Variants in ADGRG7 observed in about 807,000 individuals in gnomAD.
ADGRG7 encodes the protein G-protein coupled receptor 128.
A neutral mutation model predicts 88.6 loss-of-function variants in ADGRG7; 82 were observed. That is an observed-to-expected ratio of 0.93 (90% CI 0.77 to 1.11). The LOEUF is 1.11. ADGRG7 is among the 50% of genes most tolerant of loss of function. The pLI is 0.00. For missense variants in ADGRG7, 945 were observed against 953.4 expected, an observed-to-expected ratio of 0.99 and a Z score of 0.12; for synonymous variants, 381 against 345.2, an observed-to-expected ratio of 1.10 and a Z score of -1.15.
intron 11 of ADGRG7, among the ~76,000 whole-genome samples, chr3:100,652,644 T>C (rs1036250771): frequency 1.3e-5 from 2 of 152,188 alleles, no homozygotes; most frequent in Non-Finnish European, 2.9e-5. Flanking sequence ...ATTTTACTTC[T>C]GAAATCAACT....
intron 14 of ADGRG7, among the ~76,000 whole-genome samples, chr3:100,661,133 A>G (rs2094944813): frequency 6.6e-6 from 1 of 152,146 alleles, no homozygotes; most frequent in Non-Finnish European, 1.5e-5. Context: ...TCCCTGATAT[A>G]CAACAAGAGC....
At chr3:100,648,384 T>A (rs558414306) in intron 10 of ADGRG7, among the ~76,000 whole-genome samples, 1 of 152,200 alleles carries the variant, frequency 6.6e-6, no homozygotes, top group African/African-American at 2.4e-5. Flanking sequence ...AATCTTACGA[T>A]CCTTTTTGCA....
At chr3:100,617,508 T>C (rs1707242557) in intron 1 of ADGRG7, among the ~76,000 whole-genome samples, 1 of 152,072 alleles carries the variant, frequency 6.6e-6, no homozygotes, top group African/African-American at 2.4e-5. Context: ...CTGAGTATGA[T>C]GGTTTCCAGC....
At chr3:100,684,375 C>G (rs1206944573) in intron 15 of ADGRG7, among the ~76,000 whole-genome samples, 1 of 151,822 alleles carries the variant, frequency 6.6e-6, no homozygotes, top group Non-Finnish European at 1.5e-5. Flanking sequence ...TTGATCCCCC[C>G]ACCTCAACCT....
chr3:100,636,929 T>A (rs1707552920), intron 5 of ADGRG7, among the ~76,000 whole-genome samples: 1 of 152,204 alleles, frequency 6.6e-6, no homozygotes, highest in Non-Finnish European at 1.5e-5. Context: ...ATGCTAAGTA[T>A]TATGAGCTGT....
intron 14 of ADGRG7, among the ~76,000 whole-genome samples, chr3:100,664,057 T>C (rs187188275): frequency 6.6e-6 from 1 of 152,108 alleles, no homozygotes; most frequent in Non-Finnish European, 1.5e-5. Flanking sequence ...TCGACTGCCA[T>C]GTATTCACCA....
chr3:100,649,776 G>A lies in ADGRG7; in HGVS notation c.1348G>A (p.Ala450Thr), dbSNP rs1289887177. The part of the protein sequence containing the change: ...VGCALSVTGL[A>T]LTVIFQIVTR... The stretch of plus-strand genomic sequence containing the variant: ...ATGTGCACTGTCTGTTACTGGTCTG[G>A]CTCTCACAGTTATATTTCAGATTGT... The change falls in exon 11 of 16, where the codon GCT (alanine) becomes ACT (threonine). Residue 450 changes from alanine to threonine, a missense_variant. Physicochemically the swap from Ala to Thr is moderately conservative, Grantham distance 58 (BLOSUM62 0). Coordinates refer to ENST00000273352, the MANE Select transcript of ADGRG7 (RefSeq NM_032787.3). 3 of 1,607,128 alleles carry A rather than the reference G, an allele frequency of 1.9e-6. No individual in the cohort carries two copies. The Admixed American group carries it at 5.0e-5, about 27-fold the overall frequency.
intron 4 of ADGRG7, 37 bp downstream of exon 4, chr3:100,633,414 A>G (rs1307150875): frequency 1.7e-6 from 2 of 1,193,734 alleles, no homozygotes; most frequent in Admixed American, 2.2e-5. Flanking sequence ...AACTGGAAGA[A>G]GTTCTGATTC....
chr3:100,625,687 T>C (rs1707371270), intron 1 of ADGRG7, among the ~76,000 whole-genome samples: 1 of 152,192 alleles, frequency 6.6e-6, no homozygotes, highest in Non-Finnish European at 1.5e-5. Flanking sequence ...CTCTTATTAT[T>C]TTGAGATATG....
chr3:100,624,401 T>C (rs1219688416), intron 1 of ADGRG7, among the ~76,000 whole-genome samples: 1 of 152,210 alleles, frequency 6.6e-6, no homozygotes, highest in Non-Finnish European at 1.5e-5. Context: ...TGTTTTTTTC[T>C]TGTAAATTTA....
At chr3:100,681,593 G>T (rs1306845694) in intron 15 of ADGRG7, among the ~76,000 whole-genome samples, 1 of 152,092 alleles carries the variant, frequency 6.6e-6, no homozygotes, top group East Asian at 1.9e-4. Context: ...TTACAGTTGT[G>T]AGCCACCACA....
intron 6 of ADGRG7, among the ~76,000 whole-genome samples, chr3:100,639,815 T>C (rs902941455): frequency 6.6e-6 from 1 of 152,138 alleles, no homozygotes; most frequent in Non-Finnish European, 1.5e-5. Flanking sequence ...ACTTAATATA[T>C]AAAGGAAAAT....
intron 11 of ADGRG7, among the ~76,000 whole-genome samples, chr3:100,652,647 A>G (rs11921907): frequency 0.61 from 93,094 of 152,058 alleles, 30,229 homozygotes; most frequent in East Asian, 0.99. Context: ...TTACTTCTGA[A>G]ATCAACTTTA....
chr3:100,635,413 G>T, intron 4 of ADGRG7: 1 of 431,996 alleles, frequency 2.3e-6, no homozygotes, highest in Non-Finnish European at 3.7e-6. Context: ...CTGGCCCATG[G>T]ATACACTCTA....
chr3:100,689,995 G>A (rs1053779887), intron 15 of ADGRG7, among the ~76,000 whole-genome samples: 4 of 152,138 alleles, frequency 2.6e-5, no homozygotes, highest in East Asian at 1.9e-4. Context: ...CTTTCTCCCC[G>A]TCACTTTCAG....
Position 100,694,842 on chromosome 3 carries a change from G to T in ADGRG7, c.2235G>T (p.Lys745Asn). The T allele has an allele frequency of 6.2e-7, 1 of 1,614,176 alleles. No individual in the cohort carries two copies. Among genetic ancestry groups the T allele is most frequent in the South Asian group, 1.1e-5 (1 of 91,078 alleles). Residue 745 changes from lysine (K) to asparagine (N), a missense_variant, in exon 16 of 16, where the codon AAG becomes AAT. Transcript: ENST00000273352. The stretch of plus-strand genomic sequence containing the variant: ...TGCTATCGTCTATTGGGAGAAGGAA[G>T]TCATTGCCTTCAGTGACGCGGCCGA... ...LMLLSSIGRR[K>N]SLPSVTRPRL... is the part of the protein sequence containing the mutation.
chr3:100,615,872 G>T (rs542976528), intron 1 of ADGRG7, among the ~76,000 whole-genome samples: 1 of 152,204 alleles, frequency 6.6e-6, no homozygotes, highest in African/African-American at 2.4e-5. Context: ...TGAAGCAAGG[G>T]AGCTGGACCT....
rs781411508 is a variant in ADGRG7 at position 100,649,744 on chromosome 3, A to G, written c.1316A>G (p.Asn439Ser). The change falls in exon 11 of 16, where the codon AAC (asparagine) becomes AGC (serine). Residue 439 changes from asparagine to serine, a missense_variant. By Grantham distance (46) the Asn-to-Ser change is conservative (BLOSUM62 1). Transcript: ENST00000273352. ...QYPKSLDILS[N>S]VGCALSVTGL... ...CCCAAATCACTTGACATATTATCCAACGTTGGATGTGCACTGTCTGTTACT... is the reference window on the plus strand; with the variant it reads ...CCCAAATCACTTGACATATTATCCAGCGTTGGATGTGCACTGTCTGTTACT... 1.0e-4 allele frequency: 161 copies of G among 1,611,622 alleles called. No individual in the cohort carries two copies. The highest frequency in any genetic ancestry group is 1.3e-4 in the Non-Finnish European group (150 of 1,178,302).
At chr3:100,621,797 C>T (rs942665311) in intron 1 of ADGRG7, among the ~76,000 whole-genome samples, 1 of 152,120 alleles carries the variant, frequency 6.6e-6, no homozygotes, top group Non-Finnish European at 1.5e-5. Flanking sequence ...AAAGAAGATG[C>T]CATCTAGGAC....
Sources: allele counts gnomAD v4.1 joint callset (sites outside exome capture counted in the v4.1 genomes callset), GRCh38; gene constraint gnomAD v4.1.1; transcripts MANE v1.5; gene names NCBI Gene and HGNC (gene_info 2026-07-23, HGNC 2026-07-21).